Variants in IL1RL1 observed in about 807,000 individuals in gnomAD.
IL1RL1 encodes interleukin-1 receptor-like 1.
IL1RL1 carries 32 observed loss-of-function variants against 50.9 expected under a neutral mutation model. That is an observed-to-expected ratio of 0.63 (90% CI 0.47 to 0.84). The LOEUF is 0.84. IL1RL1 is among the 40% of genes least tolerant of loss of function. IL1RL1 has a pLI of 0.00. For synonymous variants in IL1RL1, 275 were observed against 236.0 expected, an observed-to-expected ratio of 1.17 and a Z score of -1.51; for missense variants, 773 against 662.9, an observed-to-expected ratio of 1.17 and a Z score of -1.82.
chr2:102,340,864 T>G, intron 5 of IL1RL1, 36 bp downstream of exon 5: 1 of 1,503,488 alleles, frequency 6.7e-7, no homozygotes, highest in Non-Finnish European at 8.9e-7. Context: ...GAATACTACG[T>G]GAAAGAAGTC....
intron 5 of IL1RL1, 59 bp downstream of exon 5, chr2:102,340,887 G>A: frequency 7.2e-7 from 1 of 1,380,146 alleles, no homozygotes; most frequent in African/African-American, 1.5e-5. Context: ...AGTGGGAACA[G>A]CGGTGCCCTT....
chr2:102,348,396 T>C (rs1677839308), intron 9 of IL1RL1, among the ~76,000 whole-genome samples: 2 of 152,138 alleles, frequency 1.3e-5, no homozygotes. Context: ...AATTTCATAA[T>C]GTATCGGTAA....
chr2:102,319,133 GA>G (rs1315423682), intron 1 of IL1RL1, among the ~76,000 whole-genome samples: 1 of 152,042 alleles, frequency 6.6e-6, no homozygotes, highest in African/African-American at 2.4e-5. Context: ...GGTCCTTTGG[GA>G]ATAGAACTTA....
intron 1 of IL1RL1, among the ~76,000 whole-genome samples, chr2:102,331,543 T>C (rs1165626638): frequency 1.3e-5 from 2 of 152,216 alleles, no homozygotes; most frequent in Non-Finnish European, 2.9e-5. Flanking sequence ...ACAGAGCTTC[T>C]TCTGGCTCTC....
intron 1 of IL1RL1, among the ~76,000 whole-genome samples, chr2:102,334,533 A>T (rs886195718): frequency 7.3e-5 from 11 of 151,388 alleles, no homozygotes; most frequent in East Asian, 1.9e-4. Flanking sequence ...TTTCATCAAT[A>T]AAAAAAAATA....
intron 1 of IL1RL1, among the ~76,000 whole-genome samples, chr2:102,321,332 G>A (rs1312801107): frequency 2.0e-5 from 3 of 152,182 alleles, no homozygotes; most frequent in African/African-American, 7.2e-5. Flanking sequence ...TTTGCTCTGT[G>A]TGGTGCATTG....
rs772006885 is a variant in IL1RL1 at position 102,343,053 on chromosome 2, A to T, written c.700A>T (p.Thr234Ser). ...CCCTCTAGGAAAAAACGCAAACCTA[A>T]CTTGCTCTGCTTGTTTTGGAAAAGG... ...EVEIGKNANL[T>S]CSACFGKGTQ... The change falls in exon 7 of 11, where the codon ACT becomes TCT. Residue 234 changes from threonine (T) to serine (S), a missense_variant. Coordinates refer to ENST00000233954, the MANE Select transcript of IL1RL1 (RefSeq NM_016232.5). The T allele has an allele frequency of 6.2e-7, 1 of 1,614,004 alleles. No individual in the cohort carries two copies. The highest frequency in any genetic ancestry group is 1.3e-5 in the African/African-American group (1 of 74,924).
intron 1 of IL1RL1, among the ~76,000 whole-genome samples, chr2:102,336,888 G>T (rs1677346137): frequency 6.6e-6 from 1 of 152,126 alleles, no homozygotes; most frequent in African/African-American, 2.4e-5. Flanking sequence ...TGCCAAGGCT[G>T]GCGGAGCTTT....
chr2:102,318,817 G>A (rs1026315080), intron 1 of IL1RL1, among the ~76,000 whole-genome samples: 16 of 152,134 alleles, frequency 1.1e-4, no homozygotes, highest in Admixed American at 2.0e-4. Context: ...AGGGGAAGAC[G>A]CAGGACTGAG....
chr2:102,342,433 G>A (rs547421059), intron 6 of IL1RL1, 139 bp downstream of exon 6: 36 of 617,892 alleles, frequency 5.8e-5, no homozygotes, highest in African/African-American at 5.3e-4. Context: ...ATCCCTGAAA[G>A]CACCTGCCCC....
chr2:102,349,230 T>C lies in IL1RL1; in HGVS notation c.1269T>C (p.Asp423=), dbSNP rs774143209. ...CGYTLCIYGR[D]MLPGEDVVTA... is the part of the protein sequence containing the mutation. ...ATACCTTATGCATTTATGGGAGAGATATGCTACCTGGAGAAGGTAAAGCTA... is the reference window on the plus strand; with the variant it reads ...ATACCTTATGCATTTATGGGAGAGACATGCTACCTGGAGAAGGTAAAGCTA... The change falls in exon 10 of 11, where the codon GAT becomes GAC. Residue 423 remains aspartate (D), a synonymous_variant. Coordinates refer to ENST00000233954, the MANE Select transcript of IL1RL1 (RefSeq NM_016232.5). The C allele has an allele frequency of 2.5e-6, 4 of 1,613,654 alleles. No homozygotes were observed. The highest frequency in any genetic ancestry group is 2.5e-6 in the Non-Finnish European group (3 of 1,179,580).
intron 9 of IL1RL1, 40 bp downstream of exon 9, chr2:102,348,131 TC>T: frequency 6.5e-7 from 1 of 1,548,570 alleles, no homozygotes; most frequent in Non-Finnish European, 8.9e-7. Context: ...AAAGAAAAAG[TC>T]CCATAATAAC....
intron 9 of IL1RL1, 92 bp downstream of exon 9, chr2:102,348,183 C>T (rs572131138): frequency 9.9e-7 from 1 of 1,007,960 alleles, no homozygotes; most frequent in East Asian, 2.5e-5. Flanking sequence ...AGCTAGGCTG[C>T]TAAGCCCAGA....
chr2:102,314,272 G>A (rs766422691), intron 1 of IL1RL1, among the ~76,000 whole-genome samples: 1 of 152,192 alleles, frequency 6.6e-6, no homozygotes, highest in Non-Finnish European at 1.5e-5. Context: ...ATGAAACCAA[G>A]TCCTTGCTGA....
chr2:102,317,416 A>T (rs1676710242), intron 1 of IL1RL1, among the ~76,000 whole-genome samples: 1 of 152,200 alleles, frequency 6.6e-6, no homozygotes. Flanking sequence ...ACAATATTAC[A>T]CTGTTACAGA....
chr2:102,351,412 G>C, intron 10 of IL1RL1, 124 bp from the exon 11 acceptor site: 1 of 843,688 alleles, frequency 1.2e-6, no homozygotes. Flanking sequence ...ACTTCTCTGA[G>C]TAAGTGACTT....
chr2:102,339,385 T>A (rs1677456103), intron 3 of IL1RL1: 1 of 195,130 alleles, frequency 5.1e-6, no homozygotes, highest in African/African-American at 2.3e-5. Context: ...GTAATCTGGA[T>A]GTTTTCCATC....
intron 10 of IL1RL1, among the ~76,000 whole-genome samples, chr2:102,350,693 A>G (rs1480163416): frequency 6.6e-6 from 1 of 152,244 alleles, no homozygotes; most frequent in East Asian, 1.9e-4. Flanking sequence ...GGGTTTGGCC[A>G]ATGGGAGGCA....
In IL1RL1 at chr2:102,338,283, G is replaced by T. The variant is rs142516188; in HGVS notation, c.19G>T (p.Ala7Ser). 4.0e-4 allele frequency: 648 copies of T among 1,606,812 alleles called. 4 individuals carry two copies. In the Admixed American group the frequency reaches 9.0e-3, roughly 22 times the overall value. Reference protein sequence around the residue: MGFWILAILTILMYSTA... With the variant: MGFWILSILTILMYSTA... The stretch of plus-strand genomic sequence containing the variant: ...AAACAGAATGGGGTTTTGGATCTTA[G>T]CAATTCTCACAATTCTCATGTATTC... The change falls in exon 2 of 11, where the codon GCA becomes TCA. Residue 7 changes from alanine (A) to serine (S), a missense_variant. Coordinates refer to ENST00000233954, the MANE Select transcript of IL1RL1 (RefSeq NM_016232.5).
Sources: allele counts gnomAD v4.1 joint callset (sites outside exome capture counted in the v4.1 genomes callset), GRCh38; gene constraint gnomAD v4.1.1; transcripts MANE v1.5; gene names NCBI Gene and HGNC (gene_info 2026-07-23, HGNC 2026-07-21).